Variants in MAP4K3 observed in about 807,000 individuals in gnomAD.
The protein encoded by MAP4K3 is mitogen-activated protein kinase kinase kinase kinase 3.
MAP4K3 carries 94 observed loss-of-function variants against 143.5 expected under a neutral mutation model. The observed-to-expected ratio is 0.65, with a 90% confidence interval of 0.55 to 0.78. MAP4K3 has a LOEUF of 0.78. Ranked by LOEUF, MAP4K3 falls within the 30% of genes least tolerant of loss-of-function variation. MAP4K3 has a pLI of 0.00. For synonymous variants in MAP4K3, 416 were observed against 347.2 expected, an observed-to-expected ratio of 1.20 and a Z score of -2.20; for missense variants, 1,077 against 1,068.1, an observed-to-expected ratio of 1.01 and a Z score of -0.12.
chr2:39,407,294 TA>T (rs1416746570), intron 1 of MAP4K3, among the ~76,000 whole-genome samples: 1 of 151,370 alleles, frequency 6.6e-6, no homozygotes, highest in African/African-American at 2.4e-5. Flanking sequence ...AGTATCTTCC[TA>T]AGAGCAGGAA....
At chr2:39,420,317 C>T (rs1667510775) in intron 1 of MAP4K3, among the ~76,000 whole-genome samples, 1 of 152,206 alleles carries the variant, frequency 6.6e-6, no homozygotes, top group African/African-American at 2.4e-5. Context: ...TACACGTGCA[C>T]TTACAGAATA....
intron 26 of MAP4K3, among the ~76,000 whole-genome samples, chr2:39,268,693 G>A (rs1204496557): frequency 7.8e-6 from 1 of 127,462 alleles, no homozygotes; most frequent in African/African-American, 2.9e-5. Context: ...AGGCTGGAGT[G>A]CAGTGGCTTG....
chr2:39,288,049 TAAAAG>T (rs1681873949), intron 20 of MAP4K3, 67 bp downstream of exon 20: 3 of 1,562,180 alleles, frequency 1.9e-6, no homozygotes, highest in Admixed American at 1.8e-5. Flanking sequence ...AATAATCTCT[TAAAAG>T]AAAGTTTTTT....
chr2:39,345,921 CAAAAAAAAAAA>C (rs66729858), intron 3 of MAP4K3, among the ~76,000 whole-genome samples: 12 of 15,850 alleles, frequency 7.6e-4, no homozygotes, highest in Admixed American at 2.3e-3. Flanking sequence ...GACTCTGTCT[CAAAAAAAAAAA>C]AAAAAAAAAA....
intron 1 of MAP4K3, among the ~76,000 whole-genome samples, chr2:39,428,929 A>G (rs1446770551): frequency 1.3e-5 from 2 of 148,562 alleles, no homozygotes; most frequent in Non-Finnish European, 1.5e-5. Context: ...TTAGCCCAGC[A>G]TGGTGGCACA....
intron 19 of MAP4K3, 99 bp from the exon 20 acceptor site, chr2:39,288,379 A>G: frequency 9.5e-7 from 1 of 1,052,390 alleles, no homozygotes; most frequent in Non-Finnish European, 1.4e-6. Flanking sequence ...TATTTCTACT[A>G]TACATTAGAG....
At chr2:39,295,023 T>C (rs1479565744) in intron 16 of MAP4K3, among the ~76,000 whole-genome samples, 1 of 151,664 alleles carries the variant, frequency 6.6e-6, no homozygotes, top group Non-Finnish European at 1.5e-5. Flanking sequence ...ATTAAGGCAA[T>C]GTTAACAAGA....
chr2:39,375,692 T>C (rs1205721399), intron 2 of MAP4K3, among the ~76,000 whole-genome samples: 2 of 152,232 alleles, frequency 1.3e-5, no homozygotes, highest in Non-Finnish European at 2.9e-5. Context: ...TTAGTAAATT[T>C]ACCAAGTTGT....
At chr2:39,334,004 TAAAA>T (rs1174724816) in intron 6 of MAP4K3, among the ~76,000 whole-genome samples, 1 of 151,192 alleles carries the variant, frequency 6.6e-6, no homozygotes, top group East Asian at 1.9e-4. Context: ...TGTGTGTTTT[TAAAA>T]GAACCTCCCT....
chr2:39,414,415 C>T (rs6732611), intron 1 of MAP4K3, among the ~76,000 whole-genome samples: 134,036 of 152,244 alleles, frequency 0.88, 59,190 homozygotes, highest in Non-Finnish European at 0.91. Flanking sequence ...CAAAACAGCT[C>T]ACAAAATAAT....
At chr2:39,350,604 G>C (rs186757608) in intron 3 of MAP4K3, among the ~76,000 whole-genome samples, 3 of 152,180 alleles carry the variant, frequency 2.0e-5, no homozygotes, top group Admixed American at 2.0e-4. Context: ...CACTGTCTCT[G>C]GCTCTAGAAA....
chr2:39,353,736 TAGCAGC>T (rs150401154), intron 3 of MAP4K3, among the ~76,000 whole-genome samples: 26 of 151,284 alleles, frequency 1.7e-4, no homozygotes, highest in Admixed American at 2.6e-4. Flanking sequence ...GTAGTAGTAG[TAGCAGC>T]AGCAGCAGCA....
At chr2:39,294,532 A>C (rs1276347036) in intron 16 of MAP4K3, among the ~76,000 whole-genome samples, 3 of 152,238 alleles carry the variant, frequency 2.0e-5, no homozygotes, top group Non-Finnish European at 4.4e-5. Flanking sequence ...ACTAGAGCAA[A>C]ATGCAGACAG....
At chr2:39,314,944 G>GCA (rs1558641588) in intron 13 of MAP4K3, among the ~76,000 whole-genome samples, 2 of 152,164 alleles carry the variant, frequency 1.3e-5, no homozygotes, top group Non-Finnish European at 2.9e-5. Flanking sequence ...AATGACGTGG[G>GCA]AGCTTGTTAG....
chr2:39,396,724 C>T (rs1395553046), intron 1 of MAP4K3, among the ~76,000 whole-genome samples: 3 of 152,132 alleles, frequency 2.0e-5, no homozygotes, highest in Non-Finnish European at 4.4e-5. Context: ...CCGCCCGCCT[C>T]GGCCTCCCAA....
intron 2 of MAP4K3, among the ~76,000 whole-genome samples, chr2:39,360,126 G>T (rs1294746174): frequency 6.6e-6 from 1 of 152,090 alleles, no homozygotes; most frequent in Non-Finnish European, 1.5e-5. Flanking sequence ...CCTCTTGAAC[G>T]CTTGGCTCCT....
At chr2:39,296,466 C>T (rs537673392) in intron 16 of MAP4K3, among the ~76,000 whole-genome samples, 11 of 152,240 alleles carry the variant, frequency 7.2e-5, no homozygotes, top group African/African-American at 2.6e-4. Flanking sequence ...AAAAACAATG[C>T]TTTCAGATGC....
chr2:39,390,200 T>C (rs775058616), intron 1 of MAP4K3, among the ~76,000 whole-genome samples: 9 of 152,290 alleles, frequency 5.9e-5, no homozygotes, highest in Non-Finnish European at 7.4e-5. Context: ...GGGATGATAA[T>C]AGTATTTGGT....
chr2:39,254,452 C>T lies in MAP4K3; in HGVS notation c.2539G>A (p.Glu847Lys). 1.2e-6 allele frequency: 2 copies of T among 1,613,126 alleles called. No individual in the cohort carries two copies. The highest frequency in any genetic ancestry group is 1.7e-6 in the Non-Finnish European group (2 of 1,179,208). ...CTTAATGGACATAATTTACTTACCT[C>T]ATTAGATCTAAAACTTCTACCTTGC... Reference protein sequence around the residue: ...GMQGRSFRSNEVTQEISDSTR... With the variant: ...GMQGRSFRSNKVTQEISDSTR... The change falls in exon 32 of 34, where the codon GAG (glutamate) becomes AAG (lysine). Residue 847 changes from glutamate to lysine, a missense_variant and splice_region_variant. Around this residue, in one of 2 missense-constraint regions of MAP4K3, gnomAD observed 864 missense variants for 801.2 expected, o/e 1.08. Coordinates refer to ENST00000263881, the MANE Select transcript of MAP4K3 (RefSeq NM_003618.4).
Sources: gnomAD v4.1 joint callset for allele counts (sites outside exome capture counted in the v4.1 genomes callset) on GRCh38, gnomAD v4.1.1 for gene constraint, gnomAD v4.1.1 regional missense constraint, MANE v1.5 for transcripts, NCBI Gene and HGNC (gene_info 2026-07-23, HGNC 2026-07-21) for gene names.